The following PDE6A variants were observed in gnomAD, a reference collection of about 807,000 sequenced individuals.
The protein encoded by PDE6A is phosphodiesterase 6A.
A neutral mutation model predicts 106.3 loss-of-function variants in PDE6A; 84 were observed. The observed-to-expected ratio is 0.79, with a 90% CI of 0.66 to 0.95. The LOEUF (loss-of-function observed/expected upper bound fraction) is 0.95, where lower values mean the gene tolerates loss of function less well. Ranked by LOEUF, PDE6A falls within the 40% of genes least tolerant of loss-of-function variation. The pLI is 0.00. For missense variants in PDE6A, 1,052 were observed against 1,084.9 expected (o/e 0.97, Z 0.43); for synonymous variants, 394 against 386.6 (o/e 1.02, Z -0.23).
At chr5:149,902,545 G>A (rs1257837805) in intron 8 of PDE6A, among the ~76,000 whole-genome samples, 1 of 151,942 alleles carries the variant, frequency 6.6e-6, no homozygotes, top group African/African-American at 2.4e-5. Context: ...GGAAGGTCAG[G>A]CGCGGTAGCT....
At chr5:149,910,511 C>A (rs538644138) in intron 6 of PDE6A, among the ~76,000 whole-genome samples, 1 of 151,006 alleles carries the variant, frequency 6.6e-6, no homozygotes, top group South Asian at 2.1e-4. Context: ...TATCATATCT[C>A]ACACTTTTTT....
At chr5:149,917,868 T>C (rs1753599082) in intron 5 of PDE6A, among the ~76,000 whole-genome samples, 1 of 152,144 alleles carries the variant, frequency 6.6e-6, no homozygotes, top group Non-Finnish European at 1.5e-5. Flanking sequence ...GGAAGCTAAT[T>C]ATATGAAACT....
At chr5:149,874,777 A>G (rs1280989731) in intron 17 of PDE6A, among the ~76,000 whole-genome samples, 1 of 152,170 alleles carries the variant, frequency 6.6e-6, no homozygotes, top group African/African-American at 2.4e-5. Context: ...CCTATCACTC[A>G]GGAAATTCCA....
intron 17 of PDE6A, among the ~76,000 whole-genome samples, chr5:149,870,855 A>AAGAAAG (rs200812534): frequency 2.0e-5 from 3 of 148,098 alleles, no homozygotes. Context: ...AAGAAGAAGA[A>AAGAAAG]AGAAAGAGAA....
At chr5:149,870,808 G>C (rs1760511080) in intron 17 of PDE6A, among the ~76,000 whole-genome samples, 2 of 143,132 alleles carry the variant, frequency 1.4e-5, no homozygotes, top group Non-Finnish European at 3.0e-5. Flanking sequence ...ATCACAATAT[G>C]CTAAGTAGAA....
intron 1 of PDE6A, among the ~76,000 whole-genome samples, chr5:149,940,907 G>A (rs1014828412): frequency 1.3e-5 from 2 of 152,202 alleles, no homozygotes; most frequent in African/African-American, 4.8e-5. Flanking sequence ...GGATAAGACA[G>A]TCTCTGAAGC....
At chr5:149,905,420 A>C (rs1185956514) in intron 7 of PDE6A, among the ~76,000 whole-genome samples, 1 of 152,178 alleles carries the variant, frequency 6.6e-6, no homozygotes, top group Non-Finnish European at 1.5e-5. Context: ...TACCTGCTGG[A>C]CAGCTGCTCC....
At chr5:149,926,553 A>T (rs908730682) in intron 4 of PDE6A, among the ~76,000 whole-genome samples, 1 of 152,262 alleles carries the variant, frequency 6.6e-6, no homozygotes, top group Non-Finnish European at 1.5e-5. Context: ...ATATGTAAAT[A>T]TCTCTACAAT....
At chr5:149,926,346 G>A (rs1023105675) in intron 4 of PDE6A, among the ~76,000 whole-genome samples, 1 of 152,132 alleles carries the variant, frequency 6.6e-6, no homozygotes, top group Non-Finnish European at 1.5e-5. Context: ...TGATAATAAA[G>A]GTATGATAGG....
At chr5:149,890,205 C>A (rs964967196) in intron 13 of PDE6A, among the ~76,000 whole-genome samples, 2 of 152,060 alleles carry the variant, frequency 1.3e-5, no homozygotes, top group Non-Finnish European at 2.9e-5. Flanking sequence ...GATCCACCTA[C>A]CTCAGTCTCC....
intron 19 of PDE6A, 52 bp downstream of exon 19, chr5:149,867,673 C>T (rs532356589): frequency 6.7e-7 from 1 of 1,491,942 alleles, no homozygotes; most frequent in African/African-American, 1.4e-5. Flanking sequence ...ATATCTAGGT[C>T]AGGATGGAGC....
At chr5:149,884,197 A>T (rs1974778) in intron 16 of PDE6A, among the ~76,000 whole-genome samples, 29,969 of 142,230 alleles carry the variant, frequency 0.21, 3,580 homozygotes, top group Middle Eastern at 0.31. Flanking sequence ...AGAAAAAAAA[A>T]AAATATATAT....
At chr5:149,923,087 GA>G (rs1399535754) in intron 4 of PDE6A, among the ~76,000 whole-genome samples, 1 of 152,206 alleles carries the variant, frequency 6.6e-6, no homozygotes, top group Admixed American at 6.5e-5. Context: ...GTTCAGCTAT[GA>G]AAGCTCACTG....
At chr5:149,898,918 C>T (rs1752860409) in intron 9 of PDE6A, among the ~76,000 whole-genome samples, 1 of 152,168 alleles carries the variant, frequency 6.6e-6, no homozygotes, top group South Asian at 2.1e-4. Flanking sequence ...GGATGGATTG[C>T]AATGGCACAA....
chr5:149,874,176 A>T (rs74822544), intron 17 of PDE6A, among the ~76,000 whole-genome samples: 2,422 of 152,196 alleles, frequency 0.016, 35 homozygotes, highest in South Asian at 0.037. Flanking sequence ...CTTACAATTC[A>T]TTTCAACTCT....
rs61733364 is a variant in PDE6A, at chr5:149,907,360, A to G, written c.1017T>C (p.His339=). 3.1e-3 allele frequency: 5,076 copies of G among 1,614,002 alleles called. 117 individuals are homozygous for G. In the African/African-American group the frequency reaches 0.052, roughly 17 times the overall value. Residue 339 remains histidine, a synonymous_variant, in exon 7 of 22, where the codon CAT becomes CAC. Transcript: ENST00000255266. ...CTGGGAGACCGCTTACTAAAGCCCAATGGTCAGGAGGTGGATTCCTGTGAA... is the reference window on the plus strand; with the variant it reads ...CTGGGAGACCGCTTACTAAAGCCCAGTGGTCAGGAGGTGGATTCCTGTGAA... ...IKVIPNPPPD[H]WALVSGLPAY...
At position 149,907,160 on chromosome 5, in the gene PDE6A, A is replaced by C. The variant is rs976692210; in HGVS notation, c.1065+152T>G. ...AATTATCTGTTCATTCATTTAGACCAGTTGCCAACTGAATTGAGAGAAACA... is the reference window on the plus strand; with the variant it reads ...AATTATCTGTTCATTCATTTAGACCCGTTGCCAACTGAATTGAGAGAAACA... On this transcript the variant is annotated intron_variant, in intron 7 of 21. Coordinates refer to ENST00000255266, the MANE Select transcript of PDE6A (RefSeq NM_000440.3). 5 of 746,600 alleles carry C rather than the reference A, an allele frequency of 6.7e-6. No homozygotes were observed. In the African/African-American group the frequency reaches 8.6e-5, roughly 13 times the overall value. 46.2% of individuals were successfully genotyped at this position (746,600 alleles called of 1,614,324 possible). A position where few individuals can be genotyped will look rare whatever the true frequency, so the allele number is the denominator to read the frequency against.
chr5:149,888,908 C>T (rs1402885497), intron 13 of PDE6A, among the ~76,000 whole-genome samples: 1 of 151,490 alleles, frequency 6.6e-6, no homozygotes, highest in Non-Finnish European at 1.5e-5. Context: ...ACAGTGAAAC[C>T]CCGTCTCTAC....
Position 149,871,808 on chromosome 5 carries a change from C to T in PDE6A, c.2136-3650G>A, listed in dbSNP as rs1581153657. ...GGCTTCAGTGTGGAAGGGACAGGAG[C>T]GTACACAGGGAACCCAGTTAGGAAG... On this transcript the variant is annotated intron_variant, in intron 17 of 21. Transcript: ENST00000255266. Among the ~76,000 whole-genome samples the T allele has an allele frequency of 3.9e-5, 6 of 152,176 alleles. No individual in the cohort carries two copies. In the South Asian group the frequency reaches 1.2e-3, roughly 32 times the overall value.
Sources: gnomAD v4.1 joint callset for allele counts (sites outside exome capture counted in the v4.1 genomes callset) on GRCh38, gnomAD v4.1.1 for gene constraint, MANE v1.5 for transcripts, NCBI Gene and HGNC (gene_info 2026-07-23, HGNC 2026-07-21) for gene names.